Variants in NOP58 observed in about 807,000 individuals in gnomAD.
The protein encoded by NOP58 is nucleolar protein 58.
NOP58 carries 44 observed loss-of-function variants against 71.2 expected under a neutral mutation model. The observed-to-expected ratio is 0.62, with a 90% CI of 0.49 to 0.79. The LOEUF is 0.79. Ranked by LOEUF, NOP58 falls within the 30% of genes least tolerant of loss-of-function variation. The pLI is 0.00. For synonymous variants in NOP58, 228 were observed against 200.3 expected, an observed-to-expected ratio of 1.14 and a Z score of -1.17; for missense variants, 538 against 620.2, an observed-to-expected ratio of 0.87 and a Z score of 1.41.
intron 9 of NOP58, chr2:202,293,225 A>G (rs1001644879): frequency 2.1e-5 from 10 of 477,004 alleles, no homozygotes; most frequent in African/African-American, 3.9e-5. Flanking sequence ...CATAATAAAA[A>G]CTCACTAGAC....
chr2:202,271,079 G>C (rs1688505075), intron 1 of NOP58, among the ~76,000 whole-genome samples: 1 of 149,318 alleles, frequency 6.7e-6, no homozygotes, highest in Admixed American at 6.7e-5. Context: ...GCGAGACACT[G>C]TCTCAAAAAA....
At chr2:202,293,653 C>T (rs1688942556) in intron 9 of NOP58, among the ~76,000 whole-genome samples, 1 of 152,160 alleles carries the variant, frequency 6.6e-6, no homozygotes, top group Admixed American at 6.5e-5. Context: ...TCACTGCAAC[C>T]TCTGCCTCCC....
chr2:202,302,940 A>C lies in NOP58; in HGVS notation c.1422A>C (p.Glu474Asp). 1 of 1,605,620 alleles carries C rather than the reference A, an allele frequency of 6.2e-7. No individual in the cohort carries two copies. The highest frequency in any genetic ancestry group is 1.1e-5 in the South Asian group (1 of 91,030). The part of the protein sequence containing the change: ...IKVKVEEEEE[E>D]KVAEEEETSV... ...ATTCAGTTGAAGAAGAGGAAGAAGA[A>C]AAAGTGGCAGAAGAAGAAGAAACAT... The change falls in exon 14 of 15, where the codon GAA becomes GAC. Residue 474 changes from glutamate to aspartate, a missense_variant. Coordinates refer to ENST00000264279, the MANE Select transcript of NOP58 (RefSeq NM_015934.5).
intron 5 of NOP58, among the ~76,000 whole-genome samples, chr2:202,285,449 A>G (rs1490050141): frequency 6.6e-6 from 1 of 150,870 alleles, no homozygotes; most frequent in Non-Finnish European, 1.5e-5. Context: ...CCTGGACTCA[A>G]ACAATGCCAC....
At chr2:202,298,695 G>A (rs532857871) in intron 12 of NOP58, among the ~76,000 whole-genome samples, 1 of 152,194 alleles carries the variant, frequency 6.6e-6, no homozygotes, top group African/African-American at 2.4e-5. Flanking sequence ...TATAAAGACA[G>A]AAAACAAGTC....
intron 12 of NOP58, 110 bp downstream of exon 12, chr2:202,298,016 T>A: frequency 2.9e-6 from 2 of 688,740 alleles, no homozygotes; most frequent in Non-Finnish European, 4.6e-6. Flanking sequence ...TTTTTCAAAT[T>A]TATTTATTTG....
intron 1 of NOP58, 71 bp from the exon 2 acceptor site, chr2:202,275,042 A>G: frequency 4.5e-6 from 3 of 666,762 alleles, no homozygotes; most frequent in South Asian, 2.1e-5. Context: ...GTAAAATTGT[A>G]TTTGAAGAAT....
At chr2:202,286,605 A>G (rs1043267236) in intron 5 of NOP58, among the ~76,000 whole-genome samples, 17 of 152,264 alleles carry the variant, frequency 1.1e-4, no homozygotes, top group African/African-American at 3.9e-4. Context: ...GCTAGAGTTA[A>G]GAGCAAAAAT....
At chr2:202,294,984 A>G (rs543062451) in intron 9 of NOP58, among the ~76,000 whole-genome samples, 9 of 152,160 alleles carry the variant, frequency 5.9e-5, no homozygotes, top group African/African-American at 2.2e-4. Flanking sequence ...AAAAAATGCA[A>G]GCATAACTAT....
chr2:202,298,191 G>A (rs1431767710), intron 12 of NOP58, among the ~76,000 whole-genome samples: 1 of 152,112 alleles, frequency 6.6e-6, no homozygotes, highest in Non-Finnish European at 1.5e-5. Flanking sequence ...TACATTGTTA[G>A]CTGTAGTTAA....
At chr2:202,294,687 G>A (rs1021992260) in intron 9 of NOP58, among the ~76,000 whole-genome samples, 20 of 152,194 alleles carry the variant, frequency 1.3e-4, no homozygotes, top group South Asian at 4.2e-4. Context: ...CAGCAGGGCC[G>A]GGTGTGGTGG....
At chr2:202,281,008 A>G (rs1444004613) in intron 3 of NOP58, among the ~76,000 whole-genome samples, 3 of 152,052 alleles carry the variant, frequency 2.0e-5, no homozygotes, top group South Asian at 4.2e-4. Context: ...CCATTTGATC[A>G]TAATTCGAAT....
chr2:202,291,962 C>G (rs1574386124), intron 8 of NOP58, among the ~76,000 whole-genome samples: 1 of 105,804 alleles, frequency 9.5e-6, no homozygotes, highest in African/African-American at 3.3e-5. Context: ...GTTTATTGCT[C>G]AGAATCTTTT....
chr2:202,302,805 C>T, intron 13 of NOP58, 116 bp from the exon 14 acceptor site: 1 of 1,374,548 alleles, frequency 7.3e-7, no homozygotes, highest in Non-Finnish European at 9.7e-7. Context: ...ATAAACAAAA[C>T]AAACATTGGG....
rs1033638181 is a variant in NOP58, at chr2:202,275,496, G to A, written c.122+307G>A. On this transcript the variant is annotated intron_variant, in intron 2 of 14. Transcript: ENST00000264279. ...TGTCAGTAGGAACACATTTGTCTTC[G>A]TGTCTTCCACACACAAATGTAATAC... 2.2e-5 allele frequency: 5 copies of A among 222,968 alleles called. No homozygotes were observed. In the East Asian group the frequency reaches 4.2e-4, roughly 19 times the overall value. The allele number at this position is 222,968 out of a possible 1,614,324, so 13.8% of individuals were successfully genotyped here.
intron 5 of NOP58, among the ~76,000 whole-genome samples, chr2:202,286,609 C>G (rs1688790933): frequency 6.6e-6 from 1 of 152,140 alleles, no homozygotes; most frequent in African/African-American, 2.4e-5. Flanking sequence ...GAGTTAAGAG[C>G]AAAAATGCAC....
Position 202,265,865 on chromosome 2 carries a change from G to A in NOP58, c.-77G>A, listed in dbSNP as rs949365523. 12 of 1,579,606 alleles carry A rather than the reference G, an allele frequency of 7.6e-6. No homozygotes were observed. The highest frequency in any genetic ancestry group is 7.8e-6 in the Non-Finnish European group (9 of 1,151,158). Reference sequence around the variant, plus strand: ...CCCGCCGCGGCCTAGGAGGCCTTTTGAGGCCGCGTAGTCGGTGTTTTTGAA... The same window carrying A: ...CCCGCCGCGGCCTAGGAGGCCTTTTAAGGCCGCGTAGTCGGTGTTTTTGAA... On this transcript the variant is annotated 5_prime_UTR_variant, in exon 1 of 15. Transcript: ENST00000264279.
At chr2:202,276,887 C>G (rs1458806510) in intron 2 of NOP58, among the ~76,000 whole-genome samples, 2 of 151,872 alleles carry the variant, frequency 1.3e-5, no homozygotes, top group South Asian at 2.1e-4. Flanking sequence ...GCTTGTAATC[C>G]CAGCACTTTG....
intron 4 of NOP58, 133 bp from the exon 5 acceptor site, chr2:202,284,212 G>C: frequency 1.5e-6 from 1 of 647,070 alleles, no homozygotes; most frequent in South Asian, 2.2e-5. Context: ...GGCGGAGGTT[G>C]TAGTGAGCCA....
Sources: gnomAD v4.1 joint callset for allele counts (sites outside exome capture counted in the v4.1 genomes callset) on GRCh38, gnomAD v4.1.1 for gene constraint, MANE v1.5 for transcripts, NCBI Gene and HGNC (gene_info 2026-07-23, HGNC 2026-07-21) for gene names.